ROR1: variants seen among roughly 807,000 people sequenced by gnomAD.
ROR1 encodes inactive tyrosine-protein kinase transmembrane receptor ROR1.
Under a neutral mutation model 78.8 loss-of-function variants are expected in ROR1, and 19 were observed. That is an observed-to-expected ratio of 0.24 (90% confidence interval 0.17 to 0.35). The LOEUF (loss-of-function observed/expected upper bound fraction) is 0.35. ROR1 is among the 10% of genes least tolerant of loss of function. The pLI, the probability that ROR1 is intolerant of heterozygous loss-of-function variation, is 1.00. For missense variants in ROR1, 917 were observed against 1,177.8 expected, an observed-to-expected ratio of 0.78 and a Z score of 3.24; for synonymous variants, 386 against 433.6, an observed-to-expected ratio of 0.89 and a Z score of 1.36.
At chr1:64,134,220 T>C (rs966511867) in intron 4 of ROR1, among the ~76,000 whole-genome samples, 2 of 152,220 alleles carry the variant, frequency 1.3e-5, no homozygotes, top group African/African-American at 4.8e-5. Flanking sequence ...TTTTATAAGA[T>C]TGTTGTTGGG....
At chr1:63,999,408 T>TTTGC (rs1646365398) in intron 1 of ROR1, among the ~76,000 whole-genome samples, 1 of 152,250 alleles carries the variant, frequency 6.6e-6, no homozygotes, top group African/African-American at 2.4e-5. Context: ...TCCATGTCTA[T>TTTGC]CTAAATATCT....
intron 1 of ROR1, among the ~76,000 whole-genome samples, chr1:64,007,296 G>T (rs970146178): frequency 3.3e-5 from 5 of 151,982 alleles, no homozygotes; most frequent in African/African-American, 1.2e-4. Context: ...AGGAGGGATT[G>T]ACAACTTGTA....
intron 2 of ROR1, among the ~76,000 whole-genome samples, chr1:64,044,428 G>A (rs951651768): frequency 6.6e-6 from 1 of 152,010 alleles, no homozygotes; most frequent in African/African-American, 2.4e-5. Context: ...TGGCACCAAC[G>A]GTACCAAACT....
At chr1:63,930,660 A>G (rs1645744367) in intron 1 of ROR1, among the ~76,000 whole-genome samples, 1 of 152,178 alleles carries the variant, frequency 6.6e-6, no homozygotes, top group African/African-American at 2.4e-5. Context: ...TAAGCCAATC[A>G]TATTTCCTGA....
At chr1:63,804,730 G>A (rs182054652) in intron 1 of ROR1, among the ~76,000 whole-genome samples, 4 of 152,250 alleles carry the variant, frequency 2.6e-5, no homozygotes, top group Admixed American at 1.3e-4. Context: ...CAAGCTTGGG[G>A]CTGGGCTTAT....
At chr1:63,931,057 G>C (rs1369455866) in intron 1 of ROR1, among the ~76,000 whole-genome samples, 1 of 152,162 alleles carries the variant, frequency 6.6e-6, no homozygotes, top group African/African-American at 2.4e-5. Flanking sequence ...CAAGAAAGGC[G>C]GATCAGTTGA....
At chr1:63,783,841 C>T (rs649410) in intron 1 of ROR1, among the ~76,000 whole-genome samples, 16,791 of 152,236 alleles carry the variant, frequency 0.11, 968 homozygotes, top group African/African-American at 0.14. Flanking sequence ...CTTGAACACT[C>T]ACAATGCATG....
chr1:64,087,202 A>G (rs1316030598), intron 4 of ROR1, among the ~76,000 whole-genome samples: 1 of 152,134 alleles, frequency 6.6e-6, no homozygotes, highest in African/African-American at 2.4e-5. Flanking sequence ...CCCACCCTCT[A>G]TTTTGTGGTC....
At position 64,009,338 on chromosome 1, in the gene ROR1, C is replaced by G. The variant is rs371472715; in HGVS notation, c.125C>G (p.Pro42Arg). Reference protein sequence around the residue: ...TELSVSAELVPTSSWNISSEL... With the variant: ...TELSVSAELVRTSSWNISSEL... Reference sequence around the variant, plus strand: ...CTGTCAGTCAGTGCTGAATTAGTGCCTACCTCATCATGGAACATCTCAAGT... The same window carrying G: ...CTGTCAGTCAGTGCTGAATTAGTGCGTACCTCATCATGGAACATCTCAAGT... Residue 42 changes from proline to arginine, a missense_variant, in exon 2 of 9, where the codon CCT becomes CGT. Physicochemically the swap from Pro to Arg is moderately radical, Grantham distance 103. This residue lies in a region of ROR1 where 63 missense variants were observed against 57.0 expected (regional missense o/e 1.10). Coordinates refer to ENST00000371079, the MANE Select transcript of ROR1 (RefSeq NM_005012.4). The G allele has an allele frequency of 6.2e-6, 10 of 1,613,662 alleles. No individual in the cohort carries two copies. Among genetic ancestry groups the G allele is most frequent in the Middle Eastern group, 1.6e-4 (1 of 6,080 alleles).
chr1:64,016,093 T>C (rs1324313617), intron 2 of ROR1, among the ~76,000 whole-genome samples: 1 of 152,098 alleles, frequency 6.6e-6, no homozygotes, highest in East Asian at 1.9e-4. Flanking sequence ...GGAATCTAGG[T>C]TCTAGTTCCA....
intron 4 of ROR1, among the ~76,000 whole-genome samples, chr1:64,125,109 G>GA (rs1380390001): frequency 2.0e-5 from 3 of 152,130 alleles, no homozygotes; most frequent in Non-Finnish European, 4.4e-5. Context: ...ATGTTCTAAT[G>GA]AAAAAATTTG....
In ROR1 at chr1:63,774,356, C is replaced by A; in HGVS notation, c.-62C>A. ...GAGGCGGCCGGGAGCCCGGGAAGAGCCCGTGGATGTTCTGCGCGCGGCCTG... is the reference window on the plus strand; with the variant it reads ...GAGGCGGCCGGGAGCCCGGGAAGAGACCGTGGATGTTCTGCGCGCGGCCTG... On this transcript the variant is annotated 5_prime_UTR_variant, in exon 1 of 9. Coordinates refer to ENST00000371079, the MANE Select transcript of ROR1 (RefSeq NM_005012.4). The surrounding 1 kb of genome is among the most constrained non-coding windows in gnomAD (Gnocchi z 5.7). 2 of 1,099,246 alleles carry A rather than the reference C, an allele frequency of 1.8e-6. No homozygotes were observed. Among genetic ancestry groups the A allele is most frequent in the Non-Finnish European group, 2.4e-6 (2 of 832,280 alleles). 68.1% of individuals were successfully genotyped at this position (1,099,246 alleles called of 1,614,324 possible).
At position 63,806,466 on chromosome 1, in the gene ROR1, C is replaced by T. The variant is rs1156827751; in HGVS notation, c.91+31958C>T. On this transcript the variant is annotated intron_variant, in intron 1 of 8. Transcript: ENST00000371079. ...CTGAGTAGCTGGGACTACAGGTGCC[C>T]GCCACCACGCCCTGCTAATTGTTTG... Among the ~76,000 whole-genome samples, 7 of 152,124 alleles carry T rather than the reference C, an allele frequency of 4.6e-5. No individual in the cohort carries two copies. The South Asian group carries it at 6.2e-4, about 14-fold the overall frequency.
At position 63,975,857 on chromosome 1, in the gene ROR1, C is replaced by T. The variant is rs1240669975; in HGVS notation, c.92-33448C>T. On this transcript the variant is annotated intron_variant, in intron 1 of 8. Coordinates refer to ENST00000371079, the MANE Select transcript of ROR1 (RefSeq NM_005012.4). ...ATTTCAGTCTACATCCAGCACCCTGCATTTTCCAAAATTCATGCTGGGGAT... is the reference window on the plus strand; with the variant it reads ...ATTTCAGTCTACATCCAGCACCCTGTATTTTCCAAAATTCATGCTGGGGAT... 2.0e-5 allele frequency among the ~76,000 whole-genome samples: 3 copies of T among 152,294 alleles called. No homozygotes were observed. In the South Asian group the frequency reaches 6.2e-4, roughly 32 times the overall value.
intron 8 of ROR1, among the ~76,000 whole-genome samples, chr1:64,175,261 C>T (rs1297092800): frequency 2.2e-4 from 34 of 152,098 alleles, no homozygotes; most frequent in Admixed American, 2.1e-3. Context: ...CTCCTTCTCT[C>T]TTACACAAAA....
chr1:64,081,336 C>G (rs780773448), intron 4 of ROR1, among the ~76,000 whole-genome samples: 1 of 152,226 alleles, frequency 6.6e-6, no homozygotes, highest in East Asian at 1.9e-4. Flanking sequence ...TACAAAGTTA[C>G]TTATTGCTTC....
At chr1:63,919,934 C>T (rs961913110) in intron 1 of ROR1, among the ~76,000 whole-genome samples, 2 of 152,146 alleles carry the variant, frequency 1.3e-5, no homozygotes, top group Admixed American at 6.6e-5. Context: ...ACCAAATATC[C>T]GCTTAGCAGA....
intron 1 of ROR1, among the ~76,000 whole-genome samples, chr1:63,932,463 G>T (rs978522615): frequency 3.3e-5 from 5 of 152,148 alleles, no homozygotes; most frequent in African/African-American, 9.7e-5. Flanking sequence ...GTTGGGTGCT[G>T]TATGAGAAGT....
intron 1 of ROR1, among the ~76,000 whole-genome samples, chr1:63,989,748 T>C (rs1487471063): frequency 6.6e-6 from 1 of 151,228 alleles, no homozygotes; most frequent in African/African-American, 2.5e-5. Context: ...ATCAGTCAAT[T>C]CTGGACTACA....
Sources: gnomAD v4.1 joint callset for allele counts (sites outside exome capture counted in the v4.1 genomes callset) on GRCh38, gnomAD v4.1.1 for gene constraint, gnomAD v4.1.1 regional missense constraint, Gnocchi (gnomAD v3.1) non-coding constraint, MANE v1.5 for transcripts, NCBI Gene and HGNC (gene_info 2026-07-23, HGNC 2026-07-21) for gene names.